The following SOWAHD variants were observed in gnomAD, a reference collection of about 807,000 sequenced individuals.
SOWAHD encodes the protein ankyrin repeat domain-containing protein SOWAHD.
For missense variants in SOWAHD, 295 were observed against 297.7 expected, an observed-to-expected ratio of 0.99 and a Z score of 0.07; for synonymous variants, 142 against 147.2, an observed-to-expected ratio of 0.96 and a Z score of 0.26.
Position 119,759,096 on chromosome X carries a change from C to G in SOWAHD, c.429C>G (p.Gly143=). Reference sequence around the variant, plus strand: ...CTGAGCCGGAGCTGCTGCTGCGGGGCGACCCGATCACCGGCTACTCGGTTC... The same window carrying G: ...CTGAGCCGGAGCTGCTGCTGCGGGGGGACCCGATCACCGGCTACTCGGTTC... The part of the protein sequence containing the change: ...LEAEPELLLR[G]DPITGYSVLH... The change falls in exon 1 of 1, where the codon GGC becomes GGG. Residue 143 remains glycine (G), a synonymous_variant. Transcript: ENST00000343905. The G allele has an allele frequency of 1.7e-6, 2 of 1,187,679 alleles. No individual in the cohort carries two copies. Among genetic ancestry groups the G allele is most frequent in the Non-Finnish European group, 2.3e-6 (2 of 887,667 alleles).
rs1006004447 is a variant in SOWAHD, at chrX:119,759,736, C to G, written c.*121C>G. 19 of 734,226 alleles carry G rather than the reference C, an allele frequency of 2.6e-5. No homozygotes were observed. In the African/African-American group the frequency reaches 3.8e-4, roughly 15 times the overall value. The allele number at this position is 734,226 out of a possible 1,213,427, so 60.5% of individuals were successfully genotyped here. ...GGACGCTGCTTGGGCCTGCAAGGAA[C>G]AGAACACGTCGGGGTCCGACTCAGG... On this transcript the variant is annotated 3_prime_UTR_variant, in exon 1 of 1. Transcript: ENST00000343905.
chrX:119,759,222 C>T lies in SOWAHD; in HGVS notation c.555C>T (p.Ser185=). The change falls in exon 1 of 1, where the codon AGC becomes AGT. Residue 185 remains serine (S), a synonymous_variant. Transcript: ENST00000343905. ...GLRLDVSAPG[S]GGLTPLHLAA... Reference sequence around the variant, plus strand: ...GGCTCGACGTGAGCGCCCCAGGCAGCGGCGGCCTCACGCCCCTCCACCTGG... The same window carrying T: ...GGCTCGACGTGAGCGCCCCAGGCAGTGGCGGCCTCACGCCCCTCCACCTGG... 8.5e-7 allele frequency: 1 copy of T among 1,182,621 alleles called. No homozygotes were observed.
chrX:119,758,716 G>A lies in SOWAHD; in HGVS notation c.49G>A (p.Ala17Thr). The change falls in exon 1 of 1, where the codon GCG becomes ACG. Residue 17 changes from alanine to threonine, a missense_variant. Ala to Thr is a moderately conservative substitution (Grantham distance 58). Coordinates refer to ENST00000343905, the MANE Select transcript of SOWAHD (RefSeq NM_001105576.3). Reference protein sequence around the residue: ...AANRAPTASLAPTSQSLRCAP... With the variant: ...AANRAPTASLTPTSQSLRCAP... ...GAACCGGGCACCCACGGCCTCTCTC[G>A]CGCCGACCTCGCAGAGCCTGCGGTG... 1 of 1,161,675 alleles carries A rather than the reference G, an allele frequency of 8.6e-7. No individual in the cohort carries two copies. The highest frequency in any genetic ancestry group is 1.1e-6 in the Non-Finnish European group (1 of 877,472).
rs1450029408 is a variant in SOWAHD, at chrX:119,759,345, C to T, written c.678C>T (p.His226=). The stretch of plus-strand genomic sequence containing the variant: ...ACCACAGCGGCCACCGGGCCTGCCA[C>T]TACCTGCGGCCCGACGCGCCTTGGA... ...RRDHSGHRAC[H]YLRPDAPWRL... Residue 226 remains histidine, a synonymous_variant, in exon 1 of 1, where the codon CAC becomes CAT. Coordinates refer to ENST00000343905, the MANE Select transcript of SOWAHD (RefSeq NM_001105576.3). The T allele has an allele frequency of 2.5e-6, 3 of 1,191,786 alleles. No individual in the cohort carries two copies. The highest frequency in any genetic ancestry group is 3.4e-6 in the Non-Finnish European group (3 of 886,408).
chrX:119,759,069 G>A lies in SOWAHD; in HGVS notation c.402G>A (p.Glu134=). 2.5e-6 allele frequency: 3 copies of A among 1,183,488 alleles called. No individual in the cohort carries two copies. The highest frequency in any genetic ancestry group is 3.4e-6 in the Non-Finnish European group (3 of 886,385). The part of the protein sequence containing the change: ...GRYEVLRELL[E]AEPELLLRGD... Reference sequence around the variant, plus strand: ...ATGAGGTGCTGCGGGAGCTGCTGGAGGCTGAGCCGGAGCTGCTGCTGCGGG... The same window carrying A: ...ATGAGGTGCTGCGGGAGCTGCTGGAAGCTGAGCCGGAGCTGCTGCTGCGGG... Residue 134 remains glutamate (E), a synonymous_variant, in exon 1 of 1, where the codon GAG becomes GAA. Coordinates refer to ENST00000343905, the MANE Select transcript of SOWAHD (RefSeq NM_001105576.3).
Position 119,759,372 on chromosome X carries a change from G to A in SOWAHD, c.705G>A (p.Arg235=). The A allele has an allele frequency of 8.3e-7, 1 of 1,199,161 alleles. No individual in the cohort carries two copies. Among genetic ancestry groups the A allele is most frequent in the Non-Finnish European group, 1.1e-6 (1 of 889,417 alleles). The stretch of plus-strand genomic sequence containing the variant: ...ACCTGCGGCCCGACGCGCCTTGGAG[G>A]TTGCGGGAGCTGTCGGGAGCCGAGG... ...CHYLRPDAPW[R]LRELSGAEEW... is the part of the protein sequence containing the mutation. The change falls in exon 1 of 1, where the codon AGG becomes AGA. Residue 235 remains arginine (R), a synonymous_variant. Transcript: ENST00000343905.
Position 119,759,157 on chromosome X carries a change from C to T in SOWAHD, c.490C>T (p.Leu164Phe), listed in dbSNP as rs768169201. 5 of 1,188,799 alleles carry T rather than the reference C, an allele frequency of 4.2e-6. No homozygotes were observed. In the South Asian group the frequency reaches 9.2e-5, roughly 22 times the overall value. The change falls in exon 1 of 1, where the codon CTC becomes TTC. Residue 164 changes from leucine to phenylalanine, a missense_variant. Leu to Phe is a conservative substitution (Grantham distance 22). Coordinates refer to ENST00000343905, the MANE Select transcript of SOWAHD (RefSeq NM_001105576.3). Reference sequence around the variant, plus strand: ...GGCCAAGCACGGGCGCCACGAGGAGCTCATTCTGGTACACGATTTCGCCCT... The same window carrying T: ...GGCCAAGCACGGGCGCCACGAGGAGTTCATTCTGGTACACGATTTCGCCCT... ...WLAKHGRHEELILVHDFALRR... is the reference protein window; with the variant it reads ...WLAKHGRHEEFILVHDFALRR...
At position 119,758,843 on chromosome X, in the gene SOWAHD, C is replaced by T. The variant is rs2055530027; in HGVS notation, c.176C>T (p.Thr59Met). 8.8e-7 allele frequency: 1 copy of T among 1,133,713 alleles called. No homozygotes were observed. The highest frequency in any genetic ancestry group is 1.2e-6 in the Non-Finnish European group (1 of 864,157). 93.4% of individuals were successfully genotyped at this position (1,133,713 alleles called of 1,213,427 possible). Reference protein sequence around the residue: ...AASREHPFPGTLMHSAAGSGR... With the variant: ...AASREHPFPGMLMHSAAGSGR... The stretch of plus-strand genomic sequence containing the variant: ...TCCCGGGAGCACCCCTTCCCAGGCA[C>T]GCTGATGCACTCTGCAGCGGGCTCA... The change falls in exon 1 of 1, where the codon ACG (threonine) becomes ATG (methionine). Residue 59 changes from threonine (T) to methionine (M), a missense_variant. Coordinates refer to ENST00000343905, the MANE Select transcript of SOWAHD (RefSeq NM_001105576.3).
rs769096682 is a variant in SOWAHD, at chrX:119,759,076, C to A, written c.409C>A (p.Pro137Thr). 1 of 1,185,037 alleles carries A rather than the reference C, an allele frequency of 8.4e-7. No homozygotes were observed. Among genetic ancestry groups the A allele is most frequent in the Non-Finnish European group, 1.1e-6 (1 of 886,997 alleles). ...GCTGCGGGAGCTGCTGGAGGCTGAG[C>A]CGGAGCTGCTGCTGCGGGGCGACCC... ...EVLRELLEAE[P>T]ELLLRGDPIT... Residue 137 changes from proline (P) to threonine (T), a missense_variant, in exon 1 of 1, where the codon CCG becomes ACG. Physicochemically the swap from Pro to Thr is conservative, Grantham distance 38 (BLOSUM62 -1). Coordinates refer to ENST00000343905, the MANE Select transcript of SOWAHD (RefSeq NM_001105576.3).
In SOWAHD at chrX:119,759,917, G is replaced by C. The variant is rs1025464811; in HGVS notation, c.*302G>C. The C allele has an allele frequency of 1.2e-5, 3 of 260,464 alleles. No homozygotes were observed. The highest frequency in any genetic ancestry group is 2.1e-5 in the Non-Finnish European group (3 of 140,384). 21.5% of individuals were successfully genotyped at this position (260,464 alleles called of 1,213,427 possible). A position where few individuals can be genotyped will look rare whatever the true frequency, so the allele number is the denominator to read the frequency against. ...GAGCAGGGAGCGTGGTCCTGCTTGG[G>C]AGAGGGCAAGTTAAGCTTCCAGGGG... On this transcript the variant is annotated 3_prime_UTR_variant, in exon 1 of 1. Coordinates refer to ENST00000343905, the MANE Select transcript of SOWAHD (RefSeq NM_001105576.3).
Position 119,759,188 on chromosome X carries a change from G to T in SOWAHD, c.521G>T (p.Arg174Leu). Residue 174 changes from arginine (R) to leucine (L), a missense_variant, in exon 1 of 1, where the codon CGG becomes CTG. Physicochemically the swap from Arg to Leu is moderately radical, Grantham distance 102. Coordinates refer to ENST00000343905, the MANE Select transcript of SOWAHD (RefSeq NM_001105576.3). ...CTGGTACACGATTTCGCCCTACGCC[G>T]GGGGCTGAGGCTCGACGTGAGCGCC... is the stretch of plus-strand genomic sequence containing the variant. ...LILVHDFALR[R>L]GLRLDVSAPG... 8.4e-7 allele frequency: 1 copy of T among 1,187,048 alleles called. No homozygotes were observed. The highest frequency in any genetic ancestry group is 3.0e-5 in the East Asian group (1 of 32,912).
rs1432729223 is a variant in SOWAHD, at chrX:119,758,699, C to T, written c.32C>T (p.Ala11Val). The T allele has an allele frequency of 1.8e-6, 2 of 1,140,698 alleles. No individual in the cohort carries two copies. The highest frequency in any genetic ancestry group is 2.5e-5 in the Admixed American group (1 of 39,248). The allele number at this position is 1,140,698 out of a possible 1,213,427, so 94.0% of individuals were successfully genotyped here. A position where few individuals can be genotyped will look rare whatever the true frequency, so the allele number is the denominator to read the frequency against. MAQLGGAANR[A>V]PTASLAPTSQ... is the part of the protein sequence containing the mutation. The stretch of plus-strand genomic sequence containing the variant: ...CAGCTCGGAGGGGCCGCGAACCGGG[C>T]ACCCACGGCCTCTCTCGCGCCGACC... Residue 11 changes from alanine (A) to valine (V), a missense_variant, in exon 1 of 1, where the codon GCA (alanine) becomes GTA (valine). Ala to Val is a moderately conservative substitution (Grantham distance 64). Transcript: ENST00000343905.
Position 119,759,347 on chromosome X carries a change from A to G in SOWAHD, c.680A>G (p.Tyr227Cys). Reference sequence around the variant, plus strand: ...CACAGCGGCCACCGGGCCTGCCACTACCTGCGGCCCGACGCGCCTTGGAGG... The same window carrying G: ...CACAGCGGCCACCGGGCCTGCCACTGCCTGCGGCCCGACGCGCCTTGGAGG... Reference protein sequence around the residue: ...RDHSGHRACHYLRPDAPWRLR... With the variant: ...RDHSGHRACHCLRPDAPWRLR... The change falls in exon 1 of 1, where the codon TAC becomes TGC. Residue 227 changes from tyrosine (Y) to cysteine (C), a missense_variant. Physicochemically the swap from Tyr to Cys is radical, Grantham distance 194. Transcript: ENST00000343905. 8.4e-7 allele frequency: 1 copy of G among 1,192,586 alleles called. No individual in the cohort carries two copies. Among genetic ancestry groups the G allele is most frequent in the Non-Finnish European group, 1.1e-6 (1 of 886,424 alleles).
chrX:119,758,724 C>A lies in SOWAHD; in HGVS notation c.57C>A (p.Thr19=). The change falls in exon 1 of 1, where the codon ACC becomes ACA. Residue 19 remains threonine (T), a synonymous_variant. Transcript: ENST00000343905. ...CACCCACGGCCTCTCTCGCGCCGAC[C>A]TCGCAGAGCCTGCGGTGCGCCCCGC... ...NRAPTASLAP[T]SQSLRCAPQP... 8.6e-7 allele frequency: 1 copy of A among 1,163,701 alleles called. No individual in the cohort carries two copies. Among genetic ancestry groups the A allele is most frequent in the African/African-American group, 1.8e-5 (1 of 55,155 alleles).
rs765632974 is a variant in SOWAHD at position 119,758,705 on chromosome X, C to A, written c.38C>A (p.Thr13Lys). The change falls in exon 1 of 1, where the codon ACG (threonine) becomes AAG (lysine). Residue 13 changes from threonine (T) to lysine (K), a missense_variant. By Grantham distance (78) the Thr-to-Lys change is moderately conservative (BLOSUM62 -1). Coordinates refer to ENST00000343905, the MANE Select transcript of SOWAHD (RefSeq NM_001105576.3). Reference sequence around the variant, plus strand: ...GGAGGGGCCGCGAACCGGGCACCCACGGCCTCTCTCGCGCCGACCTCGCAG... The same window carrying A: ...GGAGGGGCCGCGAACCGGGCACCCAAGGCCTCTCTCGCGCCGACCTCGCAG... ...QLGGAANRAPTASLAPTSQSL... is the reference protein window; with the variant it reads ...QLGGAANRAPKASLAPTSQSL... 1 of 1,152,270 alleles carries A rather than the reference C, an allele frequency of 8.7e-7. No individual in the cohort carries two copies. The highest frequency in any genetic ancestry group is 1.1e-6 in the Non-Finnish European group (1 of 873,122). 95.0% of individuals were successfully genotyped at this position (1,152,270 alleles called of 1,213,427 possible).
rs759437180 is a variant in SOWAHD, at chrX:119,759,665, G to A, written c.*50G>A. On this transcript the variant is annotated 3_prime_UTR_variant, in exon 1 of 1. Coordinates refer to ENST00000343905, the MANE Select transcript of SOWAHD (RefSeq NM_001105576.3). Reference sequence around the variant, plus strand: ...GAGGGGCTGTGACACTGTGGCGATGGCTAGGTCCTGGGTTGTCCCGGGTTC... The same window carrying A: ...GAGGGGCTGTGACACTGTGGCGATGACTAGGTCCTGGGTTGTCCCGGGTTC... 1.7e-5 allele frequency: 19 copies of A among 1,093,777 alleles called. No homozygotes were observed. In the South Asian group the frequency reaches 3.7e-4, roughly 21 times the overall value. 90.1% of individuals were successfully genotyped at this position (1,093,777 alleles called of 1,213,427 possible). A position where few individuals can be genotyped will look rare whatever the true frequency, so the allele number is the denominator to read the frequency against.
In SOWAHD at chrX:119,758,814, C is replaced by A; in HGVS notation, c.147C>A (p.Ala49=). 8.7e-7 allele frequency: 1 copy of A among 1,151,647 alleles called. No homozygotes were observed. Among genetic ancestry groups the A allele is most frequent in the South Asian group, 1.9e-5 (1 of 52,033 alleles). The allele number at this position is 1,151,647 out of a possible 1,213,427, so 94.9% of individuals were successfully genotyped here. A position where few individuals can be genotyped will look rare whatever the true frequency, so the allele number is the denominator to read the frequency against. Residue 49 remains alanine (A), a synonymous_variant, in exon 1 of 1, where the codon GCC becomes GCA. Transcript: ENST00000343905. ...GGTACTGGGGCAAAGCCGCAGCCGC[C>A]GCCTCCCGGGAGCACCCCTTCCCAG... is the stretch of plus-strand genomic sequence containing the variant. The part of the protein sequence containing the change: ...LGRYWGKAAA[A]ASREHPFPGT...
In SOWAHD at chrX:119,759,335, G is replaced by C. The variant is rs1181451283; in HGVS notation, c.668G>C (p.Arg223Pro). 2.5e-6 allele frequency: 3 copies of C among 1,188,698 alleles called. No individual in the cohort carries two copies. The highest frequency in any genetic ancestry group is 3.0e-5 in the East Asian group (1 of 32,917). The change falls in exon 1 of 1, where the codon CGG (arginine) becomes CCG (proline). Residue 223 changes from arginine (R) to proline (P), a missense_variant. Transcript: ENST00000343905. ...ACGCGCCGCGACCACAGCGGCCACC[G>C]GGCCTGCCACTACCTGCGGCCCGAC... ...DATRRDHSGH[R>P]ACHYLRPDAP...
In SOWAHD at chrX:119,759,772, A is replaced by C; in HGVS notation, c.*157A>C. On this transcript the variant is annotated 3_prime_UTR_variant, in exon 1 of 1. Coordinates refer to ENST00000343905, the MANE Select transcript of SOWAHD (RefSeq NM_001105576.3). Reference sequence around the variant, plus strand: ...GGGGTCCGACTCAGGTACTTGTCTCAGGTCTCCTGTAACCACCGGCCTGGA... The same window carrying C: ...GGGGTCCGACTCAGGTACTTGTCTCCGGTCTCCTGTAACCACCGGCCTGGA... 4 of 516,849 alleles carry C rather than the reference A, an allele frequency of 7.7e-6. No homozygotes were observed. The highest frequency in any genetic ancestry group is 1.2e-5 in the Non-Finnish European group (4 of 344,928). 42.6% of individuals were successfully genotyped at this position (516,849 alleles called of 1,213,427 possible). A position where few individuals can be genotyped will look rare whatever the true frequency, so the allele number is the denominator to read the frequency against.
Sources: allele counts gnomAD v4.1 joint callset, GRCh38; gene constraint gnomAD v4.1.1; transcripts MANE v1.5; gene names NCBI Gene and HGNC (gene_info 2026-07-23, HGNC 2026-07-21).